Variants in PLXNC1 observed in about 807,000 individuals in gnomAD.
The protein encoded by PLXNC1 is plexin C1.
A neutral mutation model predicts 178.2 loss-of-function variants in PLXNC1; 75 were observed. The observed-to-expected ratio is 0.42, with a 90% CI of 0.35 to 0.51. The LOEUF is 0.51. PLXNC1 is among the 20% of genes least tolerant of loss of function. The pLI, the probability that PLXNC1 is intolerant of heterozygous loss-of-function variation, is 0.02. For synonymous variants in PLXNC1, 790 were observed against 779.9 expected (o/e 1.01, Z -0.22); for missense variants, 1,503 against 1,984.4 (o/e 0.76, Z 4.61).
At chr12:94,166,162 C>T (rs1961599238) in intron 1 of PLXNC1, among the ~76,000 whole-genome samples, 1 of 152,058 alleles carries the variant, frequency 6.6e-6, no homozygotes. Context: ...AAATAACTGC[C>T]ATGGGTGTGG....
chr12:94,193,807 T>C (rs1328120272), intron 4 of PLXNC1, among the ~76,000 whole-genome samples: 1 of 152,144 alleles, frequency 6.6e-6, no homozygotes, highest in East Asian at 1.9e-4. Flanking sequence ...AGGTGTCGGT[T>C]ACTGAGTAGG....
intron 1 of PLXNC1, chr12:94,168,241 A>C (rs1421852645): frequency 6.6e-6 from 1 of 152,250 alleles, no homozygotes; most frequent in African/African-American, 2.4e-5. Context: ...CACTGTGTTC[A>C]GTAGCTGCAG....
At position 94,303,940 on chromosome 12, in the gene PLXNC1, C is replaced by T. The variant is rs147692092; in HGVS notation, c.4528-37C>T. The stretch of plus-strand genomic sequence containing the variant: ...AATAAGCTTATATTTGGTTACTTTA[C>T]GTCATTTCAGAATCTCTCAACAAGT... On this transcript the variant is annotated intron_variant, in intron 29 of 30. Transcript: ENST00000258526. The T allele has an allele frequency of 1.9e-3, 2,987 of 1,606,444 alleles. 7 individuals are homozygous for T. The highest frequency in any genetic ancestry group is 2.4e-3 in the Non-Finnish European group (2,768 of 1,174,832).
intron 1 of PLXNC1, among the ~76,000 whole-genome samples, chr12:94,161,690 G>A (rs1291486631): frequency 6.6e-6 from 1 of 152,164 alleles, no homozygotes; most frequent in Admixed American, 6.5e-5. Context: ...CTGAGATGGC[G>A]AGAGACTTAG....
At position 94,260,787 on chromosome 12, in the gene PLXNC1, G is replaced by A; in HGVS notation, c.3397G>A (p.Val1133Ile). 13 of 1,614,184 alleles carry A rather than the reference G, an allele frequency of 8.1e-6. No homozygotes were observed. The highest frequency in any genetic ancestry group is 1.1e-5 in the Non-Finnish European group (13 of 1,180,026). ...CATGCTGAGACGCACGGAGTCCGTC[G>A]TCGAAAAACTCCTCACAAACTGGAT... ...KLMLRRTESV[V>I]EKLLTNWMSV... is the part of the protein sequence containing the mutation. Residue 1133 changes from valine to isoleucine, a missense_variant, in exon 20 of 31, where the codon GTC (valine) becomes ATC (isoleucine). Val to Ile is a conservative substitution (Grantham distance 29). Around this residue, in one of 4 missense-constraint regions of PLXNC1, gnomAD observed 639 missense variants for 979.7 expected, o/e 0.65. Coordinates refer to ENST00000258526, the MANE Select transcript of PLXNC1 (RefSeq NM_005761.3). The surrounding 1 kb of genome is among the most constrained non-coding windows in gnomAD (Gnocchi z 4.4).
rs1960829478 is a variant in PLXNC1 at position 94,148,935 on chromosome 12, GC to G, written c.-35del. 1.1e-6 allele frequency: 1 copy of G among 903,978 alleles called. No homozygotes were observed. The highest frequency in any genetic ancestry group is 1.8e-5 in the African/African-American group (1 of 56,734). 56.0% of individuals were successfully genotyped at this position (903,978 alleles called of 1,614,324 possible). On this transcript the variant is annotated 5_prime_UTR_variant, in exon 1 of 31. Coordinates refer to ENST00000258526, the MANE Select transcript of PLXNC1 (RefSeq NM_005761.3). This position sits in a 1 kb window ranked among gnomAD's most constrained non-coding sequence, Gnocchi z 4.8. ...GCCGCGCGCCTGAGCCGCCGTCGCC[GC>G]CGCGCGCCCTGCCCGGGGGCGGCCC...
intron 1 of PLXNC1, among the ~76,000 whole-genome samples, chr12:94,152,914 C>A (rs937998766): frequency 1.3e-5 from 2 of 152,194 alleles, no homozygotes; most frequent in Non-Finnish European, 2.9e-5. Flanking sequence ...CAGCTGTTTA[C>A]ACACTGGACC....
chr12:94,254,218 A>G (rs532014739), intron 15 of PLXNC1, among the ~76,000 whole-genome samples: 68 of 152,286 alleles, frequency 4.5e-4, no homozygotes, highest in African/African-American at 1.6e-3. Context: ...CCAAGCACCA[A>G]ACTGGGTTGG....
chr12:94,298,233 A>C (rs928338265), intron 26 of PLXNC1, among the ~76,000 whole-genome samples: 1 of 152,250 alleles, frequency 6.6e-6, no homozygotes, highest in African/African-American at 2.4e-5. Flanking sequence ...AAATATATGC[A>C]ACAGGAAAAA....
In PLXNC1 at chr12:94,200,080, A is replaced by G. The variant is rs146273866; in HGVS notation, c.1440-9510A>G. Among the ~76,000 whole-genome samples, 663 of 152,372 alleles carry G rather than the reference A, an allele frequency of 4.4e-3. 6 individuals are homozygous for G. Among genetic ancestry groups the G allele is most frequent in the African/African-American group, 0.015 (632 of 41,588 alleles). On this transcript the variant is annotated intron_variant, in intron 4 of 30. Transcript: ENST00000258526. ...ACTGCTGGGATTACAGGCGTGAGCCACCATGCCCAGCCAGGTTTGTTTTTT... is the reference window on the plus strand; with the variant it reads ...ACTGCTGGGATTACAGGCGTGAGCCGCCATGCCCAGCCAGGTTTGTTTTTT...
intron 1 of PLXNC1, chr12:94,168,126 A>G (rs1278114927): frequency 6.6e-6 from 1 of 152,188 alleles, no homozygotes; most frequent in East Asian, 1.9e-4. Context: ...CGATTTTAGG[A>G]GTTGCTGTGT....
intron 2 of PLXNC1, among the ~76,000 whole-genome samples, chr12:94,177,179 A>G (rs1565794320): frequency 0.032 from 999 of 31,468 alleles, 26 homozygotes; most frequent in African/African-American, 0.11. Flanking sequence ...ATATATACGT[A>G]TATATATGTA....
chr12:94,266,525 G>A (rs142329849), intron 21 of PLXNC1, among the ~76,000 whole-genome samples: 2,302 of 152,268 alleles, frequency 0.015, 57 homozygotes, highest in Admixed American at 0.017. Context: ...GTAAATCCAG[G>A]CTGTGGCCTG....
chr12:94,249,938 T>TGGGGGGGA (rs1366591413), intron 14 of PLXNC1, among the ~76,000 whole-genome samples: 1 of 18,254 alleles, frequency 5.5e-5, no homozygotes. Context: ...TGTGGGGGGG[T>TGGGGGGGA]GGGGGGGTGG....
chr12:94,155,495 G>A (rs1961133515), intron 1 of PLXNC1, among the ~76,000 whole-genome samples: 1 of 152,160 alleles, frequency 6.6e-6, no homozygotes, highest in African/African-American at 2.4e-5. Flanking sequence ...AGGCACCTAG[G>A]ATAGGAACTT....
chr12:94,292,714 A>C (rs1967464707), intron 23 of PLXNC1, among the ~76,000 whole-genome samples: 1 of 152,180 alleles, frequency 6.6e-6, no homozygotes, highest in Non-Finnish European at 1.5e-5. Context: ...AATTTTATAT[A>C]ATTTGTGCAC....
At chr12:94,303,732 C>CT (rs201354613) in intron 28 of PLXNC1, 24 bp from the exon 29 acceptor site, 73,151 of 834,440 alleles carry the variant, frequency 0.088, 15 homozygotes, top group South Asian at 0.098. Flanking sequence ...GTGATGGTTG[C>CT]TTTTTTTTTT....
chr12:94,186,529 A>G, intron 4 of PLXNC1, 56 bp downstream of exon 4: 2 of 1,106,294 alleles, frequency 1.8e-6, no homozygotes, highest in Admixed American at 1.8e-5. Context: ...GTCATGCGGC[A>G]GAACACTTGT....
In PLXNC1 at chr12:94,241,560, A is replaced by G. The variant is rs138722769; in HGVS notation, c.2300+896A>G. 1.7e-3 allele frequency among the ~76,000 whole-genome samples: 261 copies of G among 152,144 alleles called. 3 individuals carry two copies. Among genetic ancestry groups the G allele is most frequent in the East Asian group, 0.01 (54 of 5,180 alleles). On this transcript the variant is annotated intron_variant, in intron 11 of 30. Coordinates refer to ENST00000258526, the MANE Select transcript of PLXNC1 (RefSeq NM_005761.3). ...TCTGATACCCATAATTCTACTCTCTATCTCCATTAGACCAACTTTCTCAGC... is the reference window on the plus strand; with the variant it reads ...TCTGATACCCATAATTCTACTCTCTGTCTCCATTAGACCAACTTTCTCAGC...
Sources: allele counts gnomAD v4.1 joint callset (sites outside exome capture counted in the v4.1 genomes callset), GRCh38; gene constraint gnomAD v4.1.1; regional missense constraint gnomAD v4.1.1; non-coding constraint Gnocchi (gnomAD v3.1); transcripts MANE v1.5; gene names NCBI Gene and HGNC (gene_info 2026-07-23, HGNC 2026-07-21).